Variants in PIK3R5 observed in about 807,000 individuals in gnomAD.
PIK3R5 encodes the protein phosphoinositide-3-kinase regulatory subunit 5.
In PIK3R5, 32 loss-of-function variants were observed where a neutral mutation model predicts 94.9. That is an observed-to-expected ratio of 0.34 (90% CI 0.25 to 0.45). The LOEUF (loss-of-function observed/expected upper bound fraction) is 0.45. Among genes scored for constraint, PIK3R5 ranks in the 20% least tolerant of loss-of-function variants. The probability of loss-of-function intolerance (pLI) is 1.00; values close to 1 mark genes in which losing one functional copy is unlikely to be tolerated. For missense variants in PIK3R5, 853 were observed against 1,144.6 expected, an observed-to-expected ratio of 0.75 and a Z score of 3.68; for synonymous variants, 443 against 479.4, an observed-to-expected ratio of 0.92 and a Z score of 0.99.
At chr17:8,958,172 G>A (rs112053333) in intron 1 of PIK3R5, among the ~76,000 whole-genome samples, 346 of 151,960 alleles carry the variant, frequency 2.3e-3, no homozygotes, top group African/African-American at 7.9e-3. Context: ...TTAGCCAGGC[G>A]TGGTAGTGGG....
chr17:8,928,522 C>T (rs1433419864), intron 1 of PIK3R5, among the ~76,000 whole-genome samples: 1 of 152,090 alleles, frequency 6.6e-6, no homozygotes, highest in African/African-American at 2.4e-5. Flanking sequence ...GAAACAACAC[C>T]TTATCTTAGA....
At chr17:8,926,124 T>C (rs540961715) in intron 1 of PIK3R5, among the ~76,000 whole-genome samples, 1 of 152,172 alleles carries the variant, frequency 6.6e-6, no homozygotes, top group East Asian at 1.9e-4. Context: ...AAAACAAGCA[T>C]GTTTCAAGGA....
intron 5 of PIK3R5, among the ~76,000 whole-genome samples, chr17:8,902,906 G>A (rs974188647): frequency 6.7e-6 from 1 of 150,048 alleles, no homozygotes; most frequent in African/African-American, 2.5e-5. Flanking sequence ...GTGCAATGGT[G>A]TGATCTCGGA....
chr17:8,944,542 C>A (rs1203859738), intron 1 of PIK3R5, among the ~76,000 whole-genome samples: 1 of 152,226 alleles, frequency 6.6e-6, no homozygotes, highest in Admixed American at 6.5e-5. Context: ...CTCCTTCAGG[C>A]ACTAGCATTC....
chr17:8,921,198 A>C (rs2151428473), intron 1 of PIK3R5, among the ~76,000 whole-genome samples: 1 of 152,350 alleles, frequency 6.6e-6, no homozygotes, highest in Non-Finnish European at 1.5e-5. Context: ...CATTTACATT[A>C]AATGTAATAA....
chr17:8,900,366 G>C (rs1011437381), intron 5 of PIK3R5, among the ~76,000 whole-genome samples: 2 of 152,134 alleles, frequency 1.3e-5, no homozygotes, highest in African/African-American at 2.4e-5. Flanking sequence ...ATTAATGAGC[G>C]GGCACAGGCT....
At chr17:8,906,577 C>T (rs962487380) in intron 3 of PIK3R5, among the ~76,000 whole-genome samples, 2 of 152,066 alleles carry the variant, frequency 1.3e-5, no homozygotes, top group South Asian at 2.1e-4. Flanking sequence ...TTTGAAGCTT[C>T]GTTTTCTGAA....
At chr17:8,905,003 A>AT in intron 4 of PIK3R5, 88 bp from the exon 5 acceptor site, 1 of 1,385,856 alleles carries the variant, frequency 7.2e-7, no homozygotes, top group Non-Finnish European at 1.0e-6. Flanking sequence ...TTTCTGGAAT[A>AT]TTCCACAAAA....
chr17:8,907,145 T>C (rs1203055198), intron 3 of PIK3R5, among the ~76,000 whole-genome samples: 1 of 151,870 alleles, frequency 6.6e-6, no homozygotes, highest in East Asian at 1.9e-4. Context: ...TGCCTCAGCC[T>C]CCCAAGTAGG....
intron 1 of PIK3R5, among the ~76,000 whole-genome samples, chr17:8,961,567 G>A (rs1032916215): frequency 2.0e-5 from 3 of 152,100 alleles, no homozygotes; most frequent in Admixed American, 1.3e-4. Flanking sequence ...CCCAGGAGGC[G>A]GAGGTTGCAG....
chr17:8,928,457 T>C lies in PIK3R5; in HGVS notation c.-13-16950A>G, dbSNP rs148417582. 4.1e-3 allele frequency among the ~76,000 whole-genome samples: 619 copies of C among 152,278 alleles called. 4 individuals are homozygous for C. Among genetic ancestry groups the C allele is most frequent in the African/African-American group, 0.014 (573 of 41,558 alleles). On this transcript the variant is annotated intron_variant, in intron 1 of 18. Coordinates refer to ENST00000447110, the MANE Select transcript of PIK3R5 (RefSeq NM_001142633.3). ...AAGAAATACACACCAAGACATCTCA[T>C]AGTCAAAATTCTGAAAACTAAAGAC... is the stretch of plus-strand genomic sequence containing the variant.
Position 8,890,929 on chromosome 17 carries a change from C to A in PIK3R5, c.483-17G>T, listed in dbSNP as rs2090008613. On this transcript the variant is annotated splice_polypyrimidine_tract_variant and intron_variant, in intron 6 of 18. Transcript: ENST00000447110. This position sits in a 1 kb window ranked among gnomAD's most constrained non-coding sequence, Gnocchi z 6.1. ...AGCACGGTGCTGGGGACACAGGGGA[C>A]CGGCTATGGCACCCAGGGGTGCGCA... The A allele has an allele frequency of 6.2e-7, 1 of 1,611,010 alleles. No homozygotes were observed. The highest frequency in any genetic ancestry group is 1.7e-4 in the Middle Eastern group (1 of 5,810).
chr17:8,963,526 CTTTT>C (rs5819210), intron 1 of PIK3R5, among the ~76,000 whole-genome samples: 1 of 145,694 alleles, frequency 6.9e-6, no homozygotes, highest in Non-Finnish European at 1.5e-5. Flanking sequence ...TCTTCTTCTT[CTTTT>C]TTTTTTTTTG....
intron 1 of PIK3R5, among the ~76,000 whole-genome samples, chr17:8,923,326 T>C (rs993374397): frequency 4.6e-5 from 7 of 152,192 alleles, no homozygotes; most frequent in African/African-American, 1.7e-4. Flanking sequence ...CATATAATAA[T>C]TTTAATAATA....
In PIK3R5 at chr17:8,955,681, C is replaced by T. The variant is rs1442528660; in HGVS notation, c.-14+9915G>A. Among the ~76,000 whole-genome samples, 1 of 152,042 alleles carries T rather than the reference C, an allele frequency of 6.6e-6. No homozygotes were observed. The highest frequency in any genetic ancestry group is 1.5e-5 in the Non-Finnish European group (1 of 68,016). Reference sequence around the variant, plus strand: ...GAGAACAATGGGGAAGTGAGAGAAACAAGAGCCATGGAGAAAGGAAGCACC... The same window carrying T: ...GAGAACAATGGGGAAGTGAGAGAAATAAGAGCCATGGAGAAAGGAAGCACC... On this transcript the variant is annotated intron_variant, in intron 1 of 18. Transcript: ENST00000447110. This position sits in a 1 kb window ranked among gnomAD's most constrained non-coding sequence, Gnocchi z 4.4.
chr17:8,949,728 A>C (rs901626887), intron 1 of PIK3R5, among the ~76,000 whole-genome samples: 1 of 152,216 alleles, frequency 6.6e-6, no homozygotes, highest in Admixed American at 6.5e-5. Flanking sequence ...ATGCAAAGGC[A>C]TAAGAATGAT....
At chr17:8,903,492 T>C (rs2090334811) in intron 5 of PIK3R5, among the ~76,000 whole-genome samples, 1 of 149,980 alleles carries the variant, frequency 6.7e-6, no homozygotes, top group Non-Finnish European at 1.5e-5. Context: ...ATTTATTTAT[T>C]TGTAAAATAT....
At chr17:8,929,608 C>G (rs2090951689) in intron 1 of PIK3R5, among the ~76,000 whole-genome samples, 1 of 152,160 alleles carries the variant, frequency 6.6e-6, no homozygotes, top group Admixed American at 6.5e-5. Flanking sequence ...GGGACTGCCA[C>G]AGTGGAATGC....
chr17:8,953,287 A>G (rs1334627309), intron 1 of PIK3R5, among the ~76,000 whole-genome samples: 1 of 152,182 alleles, frequency 6.6e-6, no homozygotes, highest in Non-Finnish European at 1.5e-5. Flanking sequence ...TAGCCTCACT[A>G]GTTCAGAAAT....
Sources: gnomAD v4.1 joint callset for allele counts (sites outside exome capture counted in the v4.1 genomes callset) on GRCh38, gnomAD v4.1.1 for gene constraint, Gnocchi (gnomAD v3.1) non-coding constraint, MANE v1.5 for transcripts, NCBI Gene and HGNC (gene_info 2026-07-23, HGNC 2026-07-21) for gene names.